The following CDKL5 variants were observed in gnomAD, a reference collection of about 807,000 sequenced individuals.
The protein encoded by CDKL5 is cyclin dependent kinase like 5, also known as cyclin-dependent kinase-like 5.
In CDKL5, 8 loss-of-function variants were observed where a neutral mutation model predicts 61.7. The ratio of observed to expected loss-of-function variants is 0.13; its 90% CI spans 0.08 to 0.23. CDKL5 has a LOEUF of 0.23. Among genes scored for constraint, CDKL5 ranks in the 10% least tolerant of loss-of-function variants. The pLI is 1.00. For synonymous variants in CDKL5, 275 were observed against 272.3 expected, an observed-to-expected ratio of 1.01 and a Z score of -0.10; for missense variants, 440 against 734.5, an observed-to-expected ratio of 0.60 and a Z score of 4.63.
At chrX:18,534,628 A>C (rs923556053) in intron 3 of CDKL5, among the ~76,000 whole-genome samples, 5 of 111,879 alleles carry the variant, frequency 4.5e-5, no homozygotes, top group Non-Finnish European at 9.4e-5. Flanking sequence ...ATCATTATCT[A>C]TTTGGGAGAT....
intron 4 of CDKL5, among the ~76,000 whole-genome samples, chrX:18,567,187 T>C (rs755374679): frequency 2.1e-4 from 23 of 111,905 alleles, no homozygotes; most frequent in Non-Finnish European, 3.4e-4. Context: ...TGAACAACTC[T>C]TTTGGAGTGT....
chrX:18,579,937 C>T lies in CDKL5; in HGVS notation c.372C>T (p.His124=), dbSNP rs1232634393. The T allele has an allele frequency of 8.3e-7, 1 of 1,201,885 alleles. No homozygotes were observed. The highest frequency in any genetic ancestry group is 3.0e-5 in the East Asian group (1 of 33,712). The change falls in exon 6 of 18, where the codon CAC becomes CAT. Residue 124 remains histidine (H), a synonymous_variant. Transcript: ENST00000623535. ...TCTATCAGCTAATCAAGGCTATTCA[C>T]TGGTGCCATAAGAATGATATTGTCC... ...SYIYQLIKAI[H]WCHKNDIVHR... is the part of the protein sequence containing the mutation.
chrX:18,538,468 C>G (rs753353852), intron 3 of CDKL5, among the ~76,000 whole-genome samples: 2 of 110,248 alleles, frequency 1.8e-5, no homozygotes, highest in Non-Finnish European at 3.8e-5. Context: ...TTCCTATGGA[C>G]TGTGCTTTTG....
intron 3 of CDKL5, among the ~76,000 whole-genome samples, chrX:18,530,335 CAAA>C (rs985283133): frequency 4.2e-5 from 2 of 47,567 alleles, no homozygotes. Context: ...GGCTCCGTCT[CAAA>C]AAAAAAAAAA....
chrX:18,548,182 C>G (rs760701297), intron 3 of CDKL5, among the ~76,000 whole-genome samples: 1 of 106,171 alleles, frequency 9.4e-6, no homozygotes, highest in South Asian at 4.2e-4. Flanking sequence ...GTATTGATAA[C>G]GCTTGGTATT....
At chrX:18,641,611 TG>T (rs1319281307), downstream of CDKL5, 1 of 169,647 alleles carries the variant, frequency 5.9e-6, no homozygotes, top group Non-Finnish European at 1.1e-5. Context: ...TTTAGGAAAC[TG>T]TATGTTTCTG....
intron 1 of CDKL5, among the ~76,000 whole-genome samples, chrX:18,484,008 A>G (rs1477513626): frequency 2.7e-5 from 3 of 111,611 alleles, no homozygotes; most frequent in African/African-American, 6.5e-5. Context: ...CACTTACTCT[A>G]TTGTGAATGG....
chrX:18,616,787 C>T (rs1926730823), intron 15 of CDKL5, among the ~76,000 whole-genome samples: 1 of 111,669 alleles, frequency 9.0e-6, no homozygotes, highest in Non-Finnish European at 1.9e-5. Flanking sequence ...TTCACTGACT[C>T]TCTCTTCTCA....
chrX:18,582,346 C>G (rs1925509206), intron 7 of CDKL5, among the ~76,000 whole-genome samples: 3 of 111,407 alleles, frequency 2.7e-5, no homozygotes. Flanking sequence ...AGTCAAAAGA[C>G]ATTTTTAGAA....
chrX:18,495,152 A>G (rs942306274), intron 1 of CDKL5, among the ~76,000 whole-genome samples: 1 of 112,440 alleles, frequency 8.9e-6, no homozygotes, highest in Non-Finnish European at 1.9e-5. Context: ...TGCAATTTTC[A>G]GTGACAAAAT....
chrX:18,452,819 GTTTTTTTT>G (rs757726659), intron 1 of CDKL5, among the ~76,000 whole-genome samples: 2 of 57,683 alleles, frequency 3.5e-5, no homozygotes, highest in African/African-American at 6.9e-5. Flanking sequence ...TAGTTCTCAA[GTTTTTTTT>G]TTTTTTTTTT....
chrX:18,631,490 C>T lies in CDKL5; in HGVS notation c.*2733C>T. On this transcript the variant is annotated 3_prime_UTR_variant, in exon 18 of 18. Coordinates refer to ENST00000623535, the MANE Select transcript of CDKL5 (RefSeq NM_001323289.2). ...TCTTAGCTTTTAACTGTTGTTTTCC[C>T]CTGTTGATGAAAAATTACTGACATC... The T allele has an allele frequency of 2.7e-6, 2 of 753,979 alleles. No homozygotes were observed. Among genetic ancestry groups the T allele is most frequent in the Non-Finnish European group, 3.1e-6 (2 of 639,153 alleles). The allele number at this position is 753,979 out of a possible 1,213,427, so 62.1% of individuals were successfully genotyped here. A position where few individuals can be genotyped will look rare whatever the true frequency, so the allele number is the denominator to read the frequency against.
In CDKL5 at chrX:18,635,302, A is replaced by G; in HGVS notation, c.*6545A>G. On this transcript the variant is annotated 3_prime_UTR_variant, in exon 18 of 18. Coordinates refer to ENST00000623535, the MANE Select transcript of CDKL5 (RefSeq NM_001323289.2). Reference sequence around the variant, plus strand: ...TATCTATTCCGTGATAACCTTCATTATCAGCATGAAATGGTTAATTTTTAC... The same window carrying G: ...TATCTATTCCGTGATAACCTTCATTGTCAGCATGAAATGGTTAATTTTTAC... The G allele has an allele frequency of 1.3e-6, 1 of 747,513 alleles. No homozygotes were observed. Among genetic ancestry groups the G allele is most frequent in the Non-Finnish European group, 1.6e-6 (1 of 633,262 alleles). The allele number at this position is 747,513 out of a possible 1,213,427, so 61.6% of individuals were successfully genotyped here. A position where few individuals can be genotyped will look rare whatever the true frequency, so the allele number is the denominator to read the frequency against.
chrX:18,560,608 A>C (rs1292616938), intron 3 of CDKL5, among the ~76,000 whole-genome samples: 30 of 112,109 alleles, frequency 2.7e-4, no homozygotes, highest in Non-Finnish European at 1.9e-5. Context: ...TTGCATACTA[A>C]GTACAAAAAC....
intron 16 of CDKL5, among the ~76,000 whole-genome samples, chrX:18,620,967 T>C (rs904537001): frequency 4.5e-5 from 5 of 111,999 alleles, no homozygotes; most frequent in Non-Finnish European, 7.5e-5. Context: ...CTCGAACTCC[T>C]GAGCTCAAGC....
At chrX:18,584,195 A>C in intron 7 of CDKL5, 68 bp from the exon 8 acceptor site, 1 of 674,234 alleles carries the variant, frequency 1.5e-6, no homozygotes, top group Non-Finnish European at 2.5e-6. Flanking sequence ...CTAGCGCTGA[A>C]ATATTTTGCC....
chrX:18,611,707 G>C (rs1221119798), intron 14 of CDKL5, among the ~76,000 whole-genome samples: 1 of 111,693 alleles, frequency 9.0e-6, no homozygotes, highest in Non-Finnish European at 1.9e-5. Flanking sequence ...GGTTAATTCA[G>C]AGAAATACTT....
chrX:18,503,300 C>A (rs752976605), intron 1 of CDKL5, among the ~76,000 whole-genome samples: 1 of 112,199 alleles, frequency 8.9e-6, no homozygotes, highest in Non-Finnish European at 1.9e-5. Context: ...CCTCCCATCT[C>A]AGCCTCTGGA....
At chrX:18,510,751 C>A in intron 2 of CDKL5, 69 bp from the exon 3 acceptor site, 1 of 853,506 alleles carries the variant, frequency 1.2e-6, no homozygotes, top group Non-Finnish European at 1.8e-6. Flanking sequence ...CACTGAGAAG[C>A]AATGTCAGTA....
Sources: allele counts gnomAD v4.1 joint callset (sites outside exome capture counted in the v4.1 genomes callset), GRCh38; gene constraint gnomAD v4.1.1; transcripts MANE v1.5; gene names NCBI Gene and HGNC (gene_info 2026-07-23, HGNC 2026-07-21).